CAPZB: variants seen among roughly 807,000 people sequenced by gnomAD.
CAPZB encodes the protein capping actin protein of muscle Z-line subunit beta.
In CAPZB, 2 loss-of-function variants were observed where a neutral mutation model predicts 38.1. The ratio of observed to expected loss-of-function variants is 0.05; its 90% CI spans 0.02 to 0.17. The LOEUF is 0.17. Ranked by LOEUF, CAPZB falls within the 10% of genes least tolerant of loss-of-function variation. The pLI is 1.00. For synonymous variants in CAPZB, 107 were observed against 127.4 expected (o/e 0.84, Z 1.08); for missense variants, 161 against 334.2 (o/e 0.48, Z 4.04).
chr1:19,479,388 G>C (rs1312194656), intron 1 of CAPZB, among the ~76,000 whole-genome samples: 2 of 152,128 alleles, frequency 1.3e-5, no homozygotes, highest in Non-Finnish European at 2.9e-5. Context: ...ATGGATCACT[G>C]GGCTACCCAG....
intron 8 of CAPZB, among the ~76,000 whole-genome samples, chr1:19,342,149 T>C (rs930511251): frequency 2.0e-5 from 3 of 152,244 alleles, no homozygotes; most frequent in Admixed American, 2.0e-4. Context: ...CGGAAGGTTA[T>C]GCTGGTTGTG....
intron 1 of CAPZB, among the ~76,000 whole-genome samples, chr1:19,470,615 G>C (rs776996546): frequency 1.2e-4 from 19 of 152,332 alleles, no homozygotes; most frequent in Admixed American, 3.9e-4. Flanking sequence ...CCTGATCCCA[G>C]TGCTCCAGTG....
At position 19,343,443 on chromosome 1, in the gene CAPZB, T is replaced by C. The variant is rs564796198; in HGVS notation, c.731+915A>G. Among the ~76,000 whole-genome samples the C allele has an allele frequency of 4.2e-3, 635 of 152,304 alleles. 3 individuals are homozygous for C. The highest frequency in any genetic ancestry group is 0.013 in the African/African-American group (559 of 41,566). On this transcript the variant is annotated intron_variant, in intron 8 of 8. Coordinates refer to ENST00000264202, the MANE Select transcript of CAPZB (RefSeq NM_004930.5). Reference sequence around the variant, plus strand: ...GGCAGTGGGTGAGAGGGCTGGCCGCTAAAGGCATAGCACAGCCCGACTCAC... The same window carrying C: ...GGCAGTGGGTGAGAGGGCTGGCCGCCAAAGGCATAGCACAGCCCGACTCAC...
intron 1 of CAPZB, among the ~76,000 whole-genome samples, chr1:19,480,659 C>A (rs1436925099): frequency 6.6e-6 from 1 of 152,224 alleles, no homozygotes; most frequent in African/African-American, 2.4e-5. Context: ...ACCCTCCAGT[C>A]ACAGGGGGTT....
At chr1:19,366,314 A>ATATATAT (rs1176738810) in intron 4 of CAPZB, among the ~76,000 whole-genome samples, 15 of 140,500 alleles carry the variant, frequency 1.1e-4, no homozygotes, top group African/African-American at 2.2e-4. Flanking sequence ...ATATATAAAT[A>ATATATAT]AAATAAATGG....
At chr1:19,402,453 G>A (rs1357808862) in intron 2 of CAPZB, among the ~76,000 whole-genome samples, 24 of 152,246 alleles carry the variant, frequency 1.6e-4, no homozygotes, top group Admixed American at 1.6e-3. Context: ...GTCTGAGTGG[G>A]AGCTAACAGC....
chr1:19,374,610 C>T (rs1294581011), intron 4 of CAPZB, among the ~76,000 whole-genome samples: 1 of 152,264 alleles, frequency 6.6e-6, no homozygotes, highest in East Asian at 1.9e-4. Flanking sequence ...GCCCAGCCTG[C>T]TCTCAAGGGG....
chr1:19,476,217 T>TAGAC (rs1225587567), intron 1 of CAPZB, among the ~76,000 whole-genome samples: 68 of 74,840 alleles, frequency 9.1e-4, no homozygotes, highest in African/African-American at 1.6e-3. Context: ...GATAGATAGA[T>TAGAC]AGATAGATAG....
At chr1:19,438,470 G>C (rs1473310768) in intron 1 of CAPZB, among the ~76,000 whole-genome samples, 1 of 152,202 alleles carries the variant, frequency 6.6e-6, no homozygotes, top group Admixed American at 6.5e-5. Context: ...ATTCAATTAA[G>C]AAATAAACTT....
Position 19,470,852 on chromosome 1 carries a change from C to T in CAPZB, c.3+14584G>A, listed in dbSNP as rs578041278. Among the ~76,000 whole-genome samples the T allele has an allele frequency of 1.8e-4, 27 of 152,308 alleles. No individual in the cohort carries two copies. The South Asian group carries it at 5.0e-3, about 28-fold the overall frequency. On this transcript the variant is annotated intron_variant, in intron 1 of 8. Coordinates refer to ENST00000264202, the MANE Select transcript of CAPZB (RefSeq NM_004930.5). Reference sequence around the variant, plus strand: ...GCTTAGAAGGATTCTGGGAAGGAAACGGAACGGTGCATGCAGAGGACCAGG... The same window carrying T: ...GCTTAGAAGGATTCTGGGAAGGAAATGGAACGGTGCATGCAGAGGACCAGG...
chr1:19,348,913 G>A (rs181533532), intron 6 of CAPZB, among the ~76,000 whole-genome samples: 319 of 152,192 alleles, frequency 2.1e-3, no homozygotes, highest in African/African-American at 7.3e-3. Flanking sequence ...TAGAAAGACC[G>A]GCTTCTCTGC....
chr1:19,391,076 T>TC (rs1463758666), intron 2 of CAPZB, among the ~76,000 whole-genome samples: 1 of 151,516 alleles, frequency 6.6e-6, no homozygotes, highest in African/African-American at 2.4e-5. Flanking sequence ...GAACACTTTT[T>TC]TTTTTTCTTA....
chr1:19,396,233 G>C (rs1489224234), intron 2 of CAPZB, among the ~76,000 whole-genome samples: 6 of 152,234 alleles, frequency 3.9e-5, no homozygotes. Flanking sequence ...ATGCTGGCAG[G>C]ACTTCTGAAG....
chr1:19,342,903 G>A (rs768382448), intron 8 of CAPZB: 2 of 1,219,284 alleles, frequency 1.6e-6, no homozygotes, highest in Admixed American at 1.7e-5. Flanking sequence ...TGGGAGGGAA[G>A]AGAACGACGA....
At chr1:19,380,412 G>C (rs757251427) in intron 3 of CAPZB, among the ~76,000 whole-genome samples, 1 of 152,210 alleles carries the variant, frequency 6.6e-6, no homozygotes, top group African/African-American at 2.4e-5. Context: ...CAGCTTTCAT[G>C]GTCACACTGG....
At chr1:19,392,558 G>A (rs1028529458) in intron 2 of CAPZB, among the ~76,000 whole-genome samples, 5 of 150,792 alleles carry the variant, frequency 3.3e-5, no homozygotes, top group Non-Finnish European at 5.9e-5. Flanking sequence ...GGCCAGCTGC[G>A]GTGGCTCGCT....
chr1:19,481,669 G>T (rs2094629173), intron 1 of CAPZB, among the ~76,000 whole-genome samples: 1 of 152,186 alleles, frequency 6.6e-6, no homozygotes, highest in South Asian at 2.1e-4. Context: ...AGAAAGCCTT[G>T]GCTGTGCAGA....
chr1:19,419,904 C>G, intron 1 of CAPZB, 154 bp from the exon 2 acceptor site: 1 of 588,118 alleles, frequency 1.7e-6, no homozygotes, highest in South Asian at 2.1e-5. Flanking sequence ...CAGCCTGGAG[C>G]GGGGGGCGAC....
At chr1:19,479,672 G>A (rs918530105) in intron 1 of CAPZB, among the ~76,000 whole-genome samples, 1 of 152,072 alleles carries the variant, frequency 6.6e-6, no homozygotes, top group African/African-American at 2.4e-5. Context: ...TGATGCTTGT[G>A]GAGGCCTCTC....
Sources: allele counts gnomAD v4.1 joint callset (sites outside exome capture counted in the v4.1 genomes callset), GRCh38; gene constraint gnomAD v4.1.1; transcripts MANE v1.5; gene names NCBI Gene and HGNC (gene_info 2026-07-23, HGNC 2026-07-21).